The following SYN3 variants were observed in gnomAD, a reference collection of about 807,000 sequenced individuals.
SYN3 encodes the protein synapsin III, also known as synapsin-3.
Under a neutral mutation model 65.8 loss-of-function variants are expected in SYN3, and 35 were observed. The observed-to-expected ratio is 0.53, with a 90% CI of 0.41 to 0.70. SYN3 has a LOEUF of 0.70. Among genes scored for constraint, SYN3 ranks in the 30% least tolerant of loss-of-function variants. The probability of loss-of-function intolerance (pLI) is 0.00; values close to 1 mark genes in which losing one functional copy is unlikely to be tolerated. For missense variants in SYN3, 680 were observed against 749.0 expected (o/e 0.91, Z 1.08); for synonymous variants, 270 against 292.9 (o/e 0.92, Z 0.80).
intron 4 of SYN3, among the ~76,000 whole-genome samples, chr22:32,901,216 C>T (rs1174875180): frequency 1.3e-5 from 2 of 152,336 alleles, no homozygotes; most frequent in South Asian, 4.1e-4. Context: ...TGCCACATTT[C>T]TGGTATAGAT....
intron 4 of SYN3, among the ~76,000 whole-genome samples, chr22:32,889,108 C>A (rs1459623309): frequency 6.6e-6 from 1 of 152,236 alleles, no homozygotes; most frequent in African/African-American, 2.4e-5. Flanking sequence ...TTGTTACAAT[C>A]TGAAGTCTAT....
intron 2 of SYN3, among the ~76,000 whole-genome samples, chr22:32,999,887 A>G (rs1601876988): frequency 6.6e-6 from 1 of 152,280 alleles, no homozygotes; most frequent in East Asian, 1.9e-4. Context: ...TTTGTGTTTC[A>G]GAAAGATGAC....
At chr22:32,789,224 T>C (rs761740651) in intron 6 of SYN3, among the ~76,000 whole-genome samples, 15 of 152,310 alleles carry the variant, frequency 9.8e-5, no homozygotes, top group Non-Finnish European at 2.1e-4. Flanking sequence ...CCTTCTTTCC[T>C]CCTGAAATCA....
chr22:32,785,811 T>C (rs2046178014), intron 6 of SYN3, among the ~76,000 whole-genome samples: 1 of 152,188 alleles, frequency 6.6e-6, no homozygotes, highest in Non-Finnish European at 1.5e-5. Flanking sequence ...GCAAGCTCTC[T>C]CAGCTCTCAG....
At chr22:32,569,966 T>C (rs2058736821) in intron 7 of SYN3, among the ~76,000 whole-genome samples, 1 of 152,202 alleles carries the variant, frequency 6.6e-6, no homozygotes, top group Admixed American at 6.5e-5. Context: ...GCATTAAAGC[T>C]ATTGTCCTCA....
In SYN3 at chr22:33,006,219, TC is replaced by T. The variant is rs2053191209; in HGVS notation, c.311+132del. 45 of 1,060,888 alleles carry T rather than the reference TC, an allele frequency of 4.2e-5. No homozygotes were observed. In the South Asian group the frequency reaches 8.0e-4, roughly 19 times the overall value. The allele number at this position is 1,060,888 out of a possible 1,614,324, so 65.7% of individuals were successfully genotyped here. A position where few individuals can be genotyped will look rare whatever the true frequency, so the allele number is the denominator to read the frequency against. ...AGCAGCCACTTGGTACATGTTAGTT[TC>T]CTTCTCTCCAGCCAGGCTCTGATAG... On this transcript the variant is annotated intron_variant, in intron 2 of 13. Transcript: ENST00000358763.
chr22:32,929,577 C>A (rs1484187813), intron 4 of SYN3, among the ~76,000 whole-genome samples: 2 of 152,108 alleles, frequency 1.3e-5, no homozygotes. Context: ...TTATTTCTGG[C>A]ATGTCTGGGA....
At chr22:32,892,038 T>C (rs1235062225) in intron 4 of SYN3, among the ~76,000 whole-genome samples, 1 of 152,062 alleles carries the variant, frequency 6.6e-6, no homozygotes, top group African/African-American at 2.4e-5. Context: ...CTCATACCTG[T>C]AATCCTAGCA....
intron 6 of SYN3, among the ~76,000 whole-genome samples, chr22:32,723,716 C>T (rs375033559): frequency 3.9e-5 from 6 of 152,356 alleles, no homozygotes; most frequent in African/African-American, 1.4e-4. Context: ...AGTCATTCGG[C>T]AAAACCTCAA....
intron 6 of SYN3, among the ~76,000 whole-genome samples, chr22:32,770,905 T>C (rs1260369853): frequency 2.0e-5 from 3 of 152,210 alleles, no homozygotes; most frequent in Non-Finnish European, 2.9e-5. Context: ...TATTTATTTA[T>C]TTTACTTTAA....
chr22:32,645,835 G>C (rs2059975526), intron 6 of SYN3, among the ~76,000 whole-genome samples: 1 of 143,188 alleles, frequency 7.0e-6, no homozygotes, highest in African/African-American at 2.6e-5. Context: ...TCTGAGATGA[G>C]ACAAGAATTC....
At chr22:32,594,439 A>C (rs1225684289) in intron 7 of SYN3, among the ~76,000 whole-genome samples, 1 of 152,014 alleles carries the variant, frequency 6.6e-6, no homozygotes, top group South Asian at 2.1e-4. Context: ...TGTCCAAGCT[A>C]TGGGTCATGC....
At chr22:32,770,777 G>C (rs1044494693) in intron 6 of SYN3, among the ~76,000 whole-genome samples, 2 of 151,320 alleles carry the variant, frequency 1.3e-5, no homozygotes, top group African/African-American at 2.4e-5. Context: ...ACTATAGCAA[G>C]AGCACCCATT....
At chr22:32,624,000 C>T (rs2059630863) in intron 6 of SYN3, among the ~76,000 whole-genome samples, 1 of 152,196 alleles carries the variant, frequency 6.6e-6, no homozygotes, top group Non-Finnish European at 1.5e-5. Context: ...CCTCCCAGCT[C>T]ATAACAAACG....
intron 6 of SYN3, among the ~76,000 whole-genome samples, chr22:32,598,912 T>A (rs1174865934): frequency 1.3e-5 from 2 of 152,158 alleles, no homozygotes; most frequent in Non-Finnish European, 2.9e-5. Flanking sequence ...GTACTCACTA[T>A]AAAAACTTTG....
chr22:32,779,072 A>G (rs148010666), intron 6 of SYN3, among the ~76,000 whole-genome samples: 7 of 152,326 alleles, frequency 4.6e-5, no homozygotes, highest in African/African-American at 1.2e-4. Flanking sequence ...TAATCATCCA[A>G]ATGAATGTAA....
rs59003669 is a variant in SYN3 at position 32,816,310 on chromosome 22, C to T, written c.711+48605G>A. Among the ~76,000 whole-genome samples, 1,286 of 152,218 alleles carry T rather than the reference C, an allele frequency of 8.4e-3. 18 individuals are homozygous for T. The highest frequency in any genetic ancestry group is 0.029 in the African/African-American group (1,212 of 41,514). On this transcript the variant is annotated intron_variant, in intron 6 of 13. Coordinates refer to ENST00000358763, the MANE Select transcript of SYN3 (RefSeq NM_003490.4). ...GGTAATTGATGGGCATTCCTGACTACGGGCCACACACTCAGTAGGTGCTCG... is the reference window on the plus strand; with the variant it reads ...GGTAATTGATGGGCATTCCTGACTATGGGCCACACACTCAGTAGGTGCTCG...
At chr22:33,025,634 GAAA>G (rs34210309) in intron 1 of SYN3, among the ~76,000 whole-genome samples, 209 of 142,710 alleles carry the variant, frequency 1.5e-3, no homozygotes, top group Non-Finnish European at 1.5e-3. Context: ...ACTCCGTCTG[GAAA>G]AAAAAAAAAA....
At chr22:32,869,928 C>A (rs2048804197) in intron 4 of SYN3, among the ~76,000 whole-genome samples, 1 of 152,080 alleles carries the variant, frequency 6.6e-6, no homozygotes, top group African/African-American at 2.4e-5. Flanking sequence ...AGCAGGAGAG[C>A]CGCATTGGAA....
Sources: allele counts gnomAD v4.1 joint callset (sites outside exome capture counted in the v4.1 genomes callset), GRCh38; gene constraint gnomAD v4.1.1; transcripts MANE v1.5; gene names NCBI Gene and HGNC (gene_info 2026-07-23, HGNC 2026-07-21).